The following NFAM1 variants were observed in gnomAD, a reference collection of about 807,000 sequenced individuals.
NFAM1 encodes the protein NFAT activation molecule 1.
NFAM1 carries 17 observed loss-of-function variants against 29.0 expected under a neutral mutation model. The observed-to-expected ratio is 0.59, with a 90% CI of 0.40 to 0.88. The LOEUF is 0.88. Ranked by LOEUF, NFAM1 falls within the 40% of genes least tolerant of loss-of-function variation. The probability of loss-of-function intolerance (pLI) is 0.00; values close to 1 mark genes in which losing one functional copy is unlikely to be tolerated. For synonymous variants in NFAM1, 175 were observed against 147.2 expected, an observed-to-expected ratio of 1.19 and a Z score of -1.36; for missense variants, 324 against 344.6, an observed-to-expected ratio of 0.94 and a Z score of 0.47.
intron 1 of NFAM1, among the ~76,000 whole-genome samples, chr22:42,424,674 T>G (rs1930566501): frequency 6.6e-6 from 1 of 151,802 alleles, no homozygotes; most frequent in African/African-American, 2.4e-5. Flanking sequence ...AGTTCTCGGG[T>G]AAAGCTTCTC....
intron 1 of NFAM1, among the ~76,000 whole-genome samples, chr22:42,429,879 C>T (rs1446980514): frequency 6.6e-6 from 1 of 152,142 alleles, no homozygotes; most frequent in Admixed American, 6.5e-5. Context: ...AGATTCCTTC[C>T]AGCAAACCCT....
rs1192634771 is a variant in NFAM1 at position 42,390,048 on chromosome 22, G to T, written c.664-2970C>A. Among the ~76,000 whole-genome samples the T allele has an allele frequency of 3.3e-5, 5 of 152,136 alleles. No homozygotes were observed. The East Asian group carries it at 9.7e-4, about 29-fold the overall frequency. On this transcript the variant is annotated intron_variant, in intron 4 of 5. Transcript: ENST00000329021. ...TGCATCAGAGTCGTGTGTTAGAAAG[G>T]TCCCTCCGGCAGCAGCTCAGAGCAG...
intron 1 of NFAM1, among the ~76,000 whole-genome samples, chr22:42,417,049 C>T (rs1300613246): frequency 6.6e-6 from 1 of 152,180 alleles, no homozygotes; most frequent in Non-Finnish European, 1.5e-5. Context: ...GAGCCCAGGG[C>T]CAGCCTCCCC....
At chr22:42,391,945 CAAAAAA>C (rs58006775) in intron 4 of NFAM1, among the ~76,000 whole-genome samples, 5 of 68,950 alleles carry the variant, frequency 7.3e-5, no homozygotes, top group Admixed American at 3.3e-4. Flanking sequence ...GACTCTGTCT[CAAAAAA>C]AAAAAAAAAA....
intron 4 of NFAM1, among the ~76,000 whole-genome samples, chr22:42,387,640 G>A (rs1022070165): frequency 6.7e-6 from 1 of 149,934 alleles, no homozygotes; most frequent in Admixed American, 6.8e-5. Flanking sequence ...CCTGGTCATC[G>A]AGCCTGTGCC....
At position 42,397,895 on chromosome 22, in the gene NFAM1, C is replaced by G. The variant is rs1444461293; in HGVS notation, c.626G>C (p.Ser209Thr). Residue 209 changes from serine (S) to threonine (T), a missense_variant, in exon 4 of 6, where the codon AGC (serine) becomes ACC (threonine). Coordinates refer to ENST00000329021, the MANE Select transcript of NFAM1 (RefSeq NM_145912.8). ...TTCTGAAGGATGCTGCTTGGGGCTGCTGGCAGATCTTGGATCTGGGCACTT... is the reference window on the plus strand; with the variant it reads ...TTCTGAAGGATGCTGCTTGGGGCTGGTGGCAGATCTTGGATCTGGGCACTT... ...TRKCPDPRSA[S>T]SPKQHPSESV... The G allele has an allele frequency of 6.2e-7, 1 of 1,613,138 alleles. No individual in the cohort carries two copies. The highest frequency in any genetic ancestry group is 2.2e-5 in the East Asian group (1 of 44,850).
intron 2 of NFAM1, among the ~76,000 whole-genome samples, chr22:42,411,030 T>C (rs1300998506): frequency 6.7e-6 from 1 of 148,208 alleles, no homozygotes; most frequent in African/African-American, 2.5e-5. Flanking sequence ...TTTTTTTTTT[T>C]TTTTTTTTTT....
At position 42,384,870 on chromosome 22, in the gene NFAM1, G is replaced by A. The variant is rs924534812; in HGVS notation, c.*291C>T. On this transcript the variant is annotated 3_prime_UTR_variant, in exon 6 of 6. Transcript: ENST00000329021. ...GGCTCTGGGCAAGGGTGGCATCCAG[G>A]AAAGCCCTTGAAGACTGAGGGGCGC... is the stretch of plus-strand genomic sequence containing the variant. 5.9e-6 allele frequency: 3 copies of A among 506,656 alleles called. No homozygotes were observed. Among genetic ancestry groups the A allele is most frequent in the Non-Finnish European group, 7.2e-6 (2 of 278,006 alleles). The allele number at this position is 506,656 out of a possible 1,614,324, so 31.4% of individuals were successfully genotyped here. A position where few individuals can be genotyped will look rare whatever the true frequency, so the allele number is the denominator to read the frequency against.
upstream of NFAM1, among the ~76,000 whole-genome samples, chr22:42,436,304 C>G (rs1930938717): frequency 6.6e-6 from 1 of 152,204 alleles, no homozygotes; most frequent in Non-Finnish European, 1.5e-5. Flanking sequence ...CCCAAAGACT[C>G]CAGCACCAAG....
chr22:42,422,529 C>T (rs965045837), intron 1 of NFAM1, among the ~76,000 whole-genome samples: 8 of 151,954 alleles, frequency 5.3e-5, no homozygotes, highest in Non-Finnish European at 8.8e-5. Context: ...CGCTTGAACC[C>T]GGGAGGTGGA....
intron 2 of NFAM1, 116 bp downstream of exon 2, chr22:42,411,291 T>C (rs950892800): frequency 2.6e-6 from 2 of 781,392 alleles, no homozygotes; most frequent in African/African-American, 3.5e-5. Context: ...CCCAAAGTGC[T>C]GGGATGTGTG....
At chr22:42,406,426 A>G (rs564882964) in intron 3 of NFAM1, among the ~76,000 whole-genome samples, 3 of 152,122 alleles carry the variant, frequency 2.0e-5, no homozygotes, top group East Asian at 1.9e-4. Flanking sequence ...AGTCCTTTCA[A>G]TGCCCCCTAC....
At chr22:42,395,961 T>C (rs1051973124) in intron 4 of NFAM1, among the ~76,000 whole-genome samples, 1 of 151,270 alleles carries the variant, frequency 6.6e-6, no homozygotes, top group African/African-American at 2.4e-5. Context: ...TAAAACCTTA[T>C]CAAGAGGATT....
At chr22:42,406,830 A>G (rs893628801) in intron 3 of NFAM1, among the ~76,000 whole-genome samples, 3 of 151,868 alleles carry the variant, frequency 2.0e-5, no homozygotes, top group African/African-American at 7.3e-5. Flanking sequence ...GCTGGAGTGC[A>G]GTGGTGCCAT....
chr22:42,407,559 T>A (rs11705417), intron 3 of NFAM1, among the ~76,000 whole-genome samples: 7 of 151,684 alleles, frequency 4.6e-5, no homozygotes, highest in Admixed American at 1.3e-4. Context: ...TTAGTAGAGA[T>A]GGGGTTTCAC....
Position 42,409,528 on chromosome 22 carries a change from G to T in NFAM1, c.471C>A (p.Pro157=). The change falls in exon 3 of 6, where the codon CCC becomes CCA. Residue 157 remains proline (P), a synonymous_variant. Coordinates refer to ENST00000329021, the MANE Select transcript of NFAM1 (RefSeq NM_145912.8). The surrounding 1 kb of genome is among the most constrained non-coding windows in gnomAD (Gnocchi z 4.9). ...ILVRDAGYRE[P]PQSPQKLLLF... ...GCAGGAGCTTCTGTGGACTCTGCGG[G>T]GGCTCTCGGTACCCTGCGTCTAGGA... The T allele has an allele frequency of 6.5e-7, 1 of 1,541,172 alleles. No individual in the cohort carries two copies.
In NFAM1 at chr22:42,397,899, C is replaced by A. The variant is rs763995893; in HGVS notation, c.622G>T (p.Ala208Ser). The A allele has an allele frequency of 9.9e-6, 16 of 1,612,950 alleles. No homozygotes were observed. In the East Asian group the frequency reaches 2.9e-4, roughly 29 times the overall value. The change falls in exon 4 of 6, where the codon GCC becomes TCC. Residue 208 changes from alanine (A) to serine (S), a missense_variant. Coordinates refer to ENST00000329021, the MANE Select transcript of NFAM1 (RefSeq NM_145912.8). ...PTRKCPDPRSASSPKQHPSES... is the reference protein window; with the variant it reads ...PTRKCPDPRSSSSPKQHPSES... ...GAAGGATGCTGCTTGGGGCTGCTGG[C>A]AGATCTTGGATCTGGGCACTTCCTG...
chr22:42,382,610 C>T lies in NFAM1; in HGVS notation c.*2551G>A. 6.5e-6 allele frequency: 1 copy of T among 152,686 alleles called. No homozygotes were observed. The highest frequency in any genetic ancestry group is 1.5e-5 in the Non-Finnish European group (1 of 68,250). The allele number at this position is 152,686 out of a possible 1,614,324, so 9.5% of individuals were successfully genotyped here. On this transcript the variant is annotated 3_prime_UTR_variant, in exon 6 of 6. Coordinates refer to ENST00000329021, the MANE Select transcript of NFAM1 (RefSeq NM_145912.8). Reference sequence around the variant, plus strand: ...TCTTCCTCCTCCCGCCTGCCCCATGCACCTCCCACCCTGAAGTTCCCTGCC... The same window carrying T: ...TCTTCCTCCTCCCGCCTGCCCCATGTACCTCCCACCCTGAAGTTCCCTGCC...
intron 3 of NFAM1, among the ~76,000 whole-genome samples, chr22:42,408,755 CAG>C (rs1929981298): frequency 6.6e-6 from 1 of 152,198 alleles, no homozygotes; most frequent in African/African-American, 2.4e-5. Flanking sequence ...GGAGCCCCAG[CAG>C]AGAGGTTCCC....
Sources: gnomAD v4.1 joint callset for allele counts (sites outside exome capture counted in the v4.1 genomes callset) on GRCh38, gnomAD v4.1.1 for gene constraint, Gnocchi (gnomAD v3.1) non-coding constraint, MANE v1.5 for transcripts, NCBI Gene and HGNC (gene_info 2026-07-23, HGNC 2026-07-21) for gene names.